KCNH2: variants seen among roughly 807,000 people sequenced by gnomAD.
KCNH2 encodes the protein potassium voltage-gated channel subfamily H member 2.
Under a neutral mutation model 95.9 loss-of-function variants are expected in KCNH2, and 35 were observed. The ratio of observed to expected loss-of-function variants is 0.37; its 90% CI spans 0.28 to 0.48. The LOEUF (loss-of-function observed/expected upper bound fraction) is 0.48, where lower values mean the gene tolerates loss of function less well. KCNH2 is among the 20% of genes least tolerant of loss of function. The pLI is 0.99. For synonymous variants in KCNH2, 786 were observed against 754.7 expected, an observed-to-expected ratio of 1.04 and a Z score of -0.68; for missense variants, 1,274 against 1,702.9, an observed-to-expected ratio of 0.75 and a Z score of 4.43.
intron 2 of KCNH2, among the ~76,000 whole-genome samples, chr7:150,966,383 C>CA (rs1172310016): frequency 2.5e-4 from 10 of 40,114 alleles, no homozygotes; most frequent in African/African-American, 1.2e-3. Flanking sequence ...TTGCCCCCTC[C>CA]CCCCCCCCCA....
In KCNH2 at chr7:150,978,084, G is replaced by A; in HGVS notation, c.-171C>T. 5.0e-6 allele frequency: 1 copy of A among 199,424 alleles called. No individual in the cohort carries two copies. Among genetic ancestry groups the A allele is most frequent in the Non-Finnish European group, 9.9e-6 (1 of 101,038 alleles). 12.4% of individuals were successfully genotyped at this position (199,424 alleles called of 1,614,324 possible). On this transcript the variant is annotated 5_prime_UTR_variant, in exon 1 of 15. Transcript: ENST00000262186. ...GCGCCGGGTCCTCGCTCGGCTCCCG[G>A]CTCCCCGCTCCGGACCCCGGGCCCG...
At chr7:150,959,185 G>A (rs1019234959) in intron 3 of KCNH2, among the ~76,000 whole-genome samples, 1 of 152,164 alleles carries the variant, frequency 6.6e-6, no homozygotes, top group Admixed American at 6.5e-5. Context: ...TGAGTCCATA[G>A]GACACAGCTT....
At chr7:150,958,878 G>A (rs1801475719) in intron 3 of KCNH2, among the ~76,000 whole-genome samples, 1 of 152,244 alleles carries the variant, frequency 6.6e-6, no homozygotes, top group Non-Finnish European at 1.5e-5. Flanking sequence ...CACAATGCCA[G>A]GGGCCCTGCC....
At chr7:150,972,228 C>T (rs538044544) in intron 2 of KCNH2, among the ~76,000 whole-genome samples, 3 of 152,378 alleles carry the variant, frequency 2.0e-5, no homozygotes, top group African/African-American at 7.2e-5. Context: ...CTGTCCACGG[C>T]GGCGCCTGCC....
Position 150,959,739 on chromosome 7 carries a change from G to T in KCNH2, c.308-3C>A, listed in dbSNP as rs773160745. 3.1e-6 allele frequency: 5 copies of T among 1,614,026 alleles called. No individual in the cohort carries two copies. In the South Asian group the frequency reaches 4.4e-5, roughly 14 times the overall value. On this transcript the variant is annotated splice_polypyrimidine_tract_variant and splice_region_variant and intron_variant, in intron 2 of 14. Transcript: ENST00000262186. ...CACCAGACATAGGAAGCAGCTCCCTGCAGAGTGGGAGGACATAGCCCCCTT... is the reference window on the plus strand; with the variant it reads ...CACCAGACATAGGAAGCAGCTCCCTTCAGAGTGGGAGGACATAGCCCCCTT...
intron 1 of KCNH2, among the ~76,000 whole-genome samples, chr7:150,976,809 G>A (rs1801991540): frequency 6.8e-6 from 1 of 147,210 alleles, no homozygotes; most frequent in African/African-American, 2.5e-5. Flanking sequence ...CTCTCAGGGA[G>A]GCCCTCAACC....
chr7:150,956,390 G>T (rs1801377474), intron 5 of KCNH2, among the ~76,000 whole-genome samples: 1 of 152,172 alleles, frequency 6.6e-6, no homozygotes, highest in South Asian at 2.1e-4. Context: ...CCTTACATGA[G>T]CCAACCCAGG....
chr7:150,948,734 A>G, intron 10 of KCNH2, 122 bp downstream of exon 10: 1 of 1,117,818 alleles, frequency 8.9e-7, no homozygotes, highest in Non-Finnish European at 1.3e-6. Flanking sequence ...CTGCTCTATG[A>G]TACCATTTGA....
At chr7:150,959,785 A>T (rs780948206) in intron 2 of KCNH2, 49 bp from the exon 3 acceptor site, 11 of 1,610,664 alleles carry the variant, frequency 6.8e-6, no homozygotes, top group Non-Finnish European at 8.5e-6. Flanking sequence ...CAGTGGGCAG[A>T]GCAGAAAGCC....
chr7:150,951,909 C>G, intron 6 of KCNH2, 74 bp from the exon 7 acceptor site: 1 of 1,404,024 alleles, frequency 7.1e-7, no homozygotes, highest in Non-Finnish European at 9.6e-7. Flanking sequence ...TGCTGCGGCC[C>G]TCAGAGCGAG....
At chr7:150,967,401 C>T (rs985037986) in intron 2 of KCNH2, among the ~76,000 whole-genome samples, 3 of 152,150 alleles carry the variant, frequency 2.0e-5, no homozygotes, top group Non-Finnish European at 2.9e-5. Context: ...CTAAGACATA[C>T]GGAAGGCTAT....
At position 150,974,034 on chromosome 7, in the gene KCNH2, ATCCGC is replaced by A. The variant is rs1444677673; in HGVS notation, c.307+672_307+676del. ...AGCAGCCCCACCCCGGGCTCTGTTT[ATCCGC>A]TCTCCGGAAGCCCAGAGCAGCTGTG... is the stretch of plus-strand genomic sequence containing the variant. On this transcript the variant is annotated intron_variant, in intron 2 of 14. Coordinates refer to ENST00000262186, the MANE Select transcript of KCNH2 (RefSeq NM_000238.4). Among the ~76,000 whole-genome samples the A allele has an allele frequency of 5.9e-5, 9 of 152,300 alleles. 1 individual carries two copies. The Middle Eastern group carries it at 0.014, about 230-fold the overall frequency.
chr7:150,948,966 A>G lies in KCNH2; in HGVS notation c.2482T>C (p.Cys828Arg), dbSNP rs1801029729. 1 of 1,613,934 alleles carries G rather than the reference A, an allele frequency of 6.2e-7. No homozygotes were observed. The highest frequency in any genetic ancestry group is 8.5e-7 in the Non-Finnish European group (1 of 1,179,942). Residue 828 changes from cysteine to arginine, a missense_variant, in exon 10 of 15, where the codon TGT becomes CGT. This residue lies in a region of KCNH2 where 159 missense variants were observed against 282.5 expected (regional missense o/e 0.56). Coordinates refer to ENST00000262186, the MANE Select transcript of KCNH2 (RefSeq NM_000238.4). ...TCCCGATGGATCTTGTGTAGGTCAC[A>G]GTAGGTGAGGGCCCGCACATCCCCG... ...SNGDVRALTY[C>R]DLHKIHRDDL...
intron 2 of KCNH2, among the ~76,000 whole-genome samples, chr7:150,974,017 C>T (rs997336010): frequency 1.3e-5 from 2 of 152,226 alleles, no homozygotes. Flanking sequence ...GGAGCAGCCC[C>T]ACCCCGGGCT....
chr7:150,955,983 C>T (rs1009543617), intron 5 of KCNH2: 3 of 335,948 alleles, frequency 8.9e-6, no homozygotes, highest in African/African-American at 4.5e-5. Flanking sequence ...AGCAGCCGGG[C>T]CTGTCACCGC....
Position 150,962,454 on chromosome 7 carries a change from C to G in KCNH2, c.308-2718G>C, listed in dbSNP as rs751819768. On this transcript the variant is annotated intron_variant, in intron 2 of 14. Coordinates refer to ENST00000262186, the MANE Select transcript of KCNH2 (RefSeq NM_000238.4). This position sits in a 1 kb window ranked among gnomAD's most constrained non-coding sequence, Gnocchi z 5.7. ...TTCCAACCTTGAGACCTCAGCAGCC[C>G]GTCCCCTCTTCAGCTCAAGCTGCTC... Among the ~76,000 whole-genome samples, 2 of 152,138 alleles carry G rather than the reference C, an allele frequency of 1.3e-5. No homozygotes were observed.
chr7:150,974,993 A>C, intron 1 of KCNH2, 52 bp from the exon 2 acceptor site: 1 of 1,464,230 alleles, frequency 6.8e-7, no homozygotes, highest in Non-Finnish European at 9.2e-7. Context: ...AGCCTCCGGG[A>C]CTCCCAGCCC....
chr7:150,959,094 G>A (rs1172827431), intron 3 of KCNH2, among the ~76,000 whole-genome samples: 1 of 152,178 alleles, frequency 6.6e-6, no homozygotes, highest in Admixed American at 6.5e-5. Flanking sequence ...TTCCCTCAAA[G>A]CCTCTCCTCA....
rs1801401773 is a variant in KCNH2 at position 150,957,194 on chromosome 7, G to A, written c.1128+97C>T. On this transcript the variant is annotated intron_variant, in intron 5 of 14. Coordinates refer to ENST00000262186, the MANE Select transcript of KCNH2 (RefSeq NM_000238.4). The stretch of plus-strand genomic sequence containing the variant: ...GCCTCCCTCCAAGAGGCCCTCACTG[G>A]CTAGCCCCCTCCACCCGGCTCTGGA... 9 of 1,041,872 alleles carry A rather than the reference G, an allele frequency of 8.6e-6. No homozygotes were observed. The Admixed American group carries it at 1.4e-4, about 16-fold the overall frequency. The allele number at this position is 1,041,872 out of a possible 1,614,324, so 64.5% of individuals were successfully genotyped here. A position where few individuals can be genotyped will look rare whatever the true frequency, so the allele number is the denominator to read the frequency against.
Sources: allele counts gnomAD v4.1 joint callset (sites outside exome capture counted in the v4.1 genomes callset), GRCh38; gene constraint gnomAD v4.1.1; regional missense constraint gnomAD v4.1.1; non-coding constraint Gnocchi (gnomAD v3.1); transcripts MANE v1.5; gene names NCBI Gene and HGNC (gene_info 2026-07-23, HGNC 2026-07-21).